Variants in MGAT4C observed in about 807,000 individuals in gnomAD.
The protein encoded by MGAT4C is alpha-1,3-mannosyl-glycoprotein 4-beta-N-acetylglucosaminyltransferase C.
Under a neutral mutation model 40.1 loss-of-function variants are expected in MGAT4C, and 19 were observed. That is an observed-to-expected ratio of 0.47 (90% CI 0.33 to 0.70). The LOEUF (loss-of-function observed/expected upper bound fraction) is 0.70. Among genes scored for constraint, MGAT4C ranks in the 30% least tolerant of loss-of-function variants. The pLI, the probability that MGAT4C is intolerant of heterozygous loss-of-function variation, is 0.02. For synonymous variants in MGAT4C, 181 were observed against 187.1 expected (o/e 0.97, Z 0.27); for missense variants, 491 against 563.2 (o/e 0.87, Z 1.30).
At chr12:86,711,743 A>G (rs1163209727) in intron 2 of MGAT4C, among the ~76,000 whole-genome samples, 1 of 152,198 alleles carries the variant, frequency 6.6e-6, no homozygotes, top group African/African-American at 2.4e-5. Context: ...TTACACAAAA[A>G]CGAAGAATTT....
chr12:86,112,738 T>C (rs1373226611), intron 1 of MGAT4C, among the ~76,000 whole-genome samples: 1 of 151,736 alleles, frequency 6.6e-6, no homozygotes, highest in Non-Finnish European at 1.5e-5. Flanking sequence ...GAACTAGATG[T>C]GTCCTCTGAA....
chr12:86,040,553 T>G (rs1290560145), intron 2 of MGAT4C, among the ~76,000 whole-genome samples: 1 of 152,174 alleles, frequency 6.6e-6, no homozygotes. Context: ...ACTGCCTACT[T>G]AAGCCTCAGC....
At chr12:86,459,639 TGAGAA>T (rs1353305107) in intron 2 of MGAT4C, among the ~76,000 whole-genome samples, 21 of 150,658 alleles carry the variant, frequency 1.4e-4, no homozygotes, top group Non-Finnish European at 2.4e-4. Context: ...GGTAATACGC[TGAGAA>T]AAGAAGCCCC....
At chr12:86,680,104 T>C (rs1949952909) in intron 2 of MGAT4C, among the ~76,000 whole-genome samples, 1 of 151,988 alleles carries the variant, frequency 6.6e-6, no homozygotes. Flanking sequence ...TAGTCTCCAA[T>C]AAACAGAGAA....
At chr12:86,188,850 C>T (rs1452188549) in intron 1 of MGAT4C, among the ~76,000 whole-genome samples, 1 of 151,676 alleles carries the variant, frequency 6.6e-6, no homozygotes, top group African/African-American at 2.4e-5. Flanking sequence ...TATTGAATAA[C>T]CTATGATAAG....
At chr12:86,252,659 C>G (rs1470612526) in intron 1 of MGAT4C, among the ~76,000 whole-genome samples, 1 of 151,752 alleles carries the variant, frequency 6.6e-6, no homozygotes, top group Non-Finnish European at 1.5e-5. Context: ...TTTGCTTGTT[C>G]AAACACAAAC....
chr12:86,464,476 A>T (rs2406139), intron 2 of MGAT4C, among the ~76,000 whole-genome samples: 1 of 152,128 alleles, frequency 6.6e-6, no homozygotes, highest in East Asian at 1.9e-4. Flanking sequence ...GTAACCTTAT[A>T]TTTGATTATA....
rs1460189015 is a variant in MGAT4C at position 85,976,966 on chromosome 12, C to T, written c.*2323G>A. ...AGGTGTTTTCCTTAGAAAATTGACC[C>T]AGTGTCAACTGTAAAGAAAACATAG... On this transcript the variant is annotated 3_prime_UTR_variant, in exon 5 of 5. Coordinates refer to ENST00000611864, the MANE Select transcript of MGAT4C (RefSeq NM_001351288.2). The T allele has an allele frequency of 2.0e-5, 3 of 151,034 alleles. No individual in the cohort carries two copies. The highest frequency in any genetic ancestry group is 7.3e-5 in the African/African-American group (3 of 41,296). 9.4% of individuals were successfully genotyped at this position (151,034 alleles called of 1,614,324 possible). A position where few individuals can be genotyped will look rare whatever the true frequency, so the allele number is the denominator to read the frequency against.
At chr12:86,302,325 A>G (rs1953832416) in intron 4 of MGAT4C, among the ~76,000 whole-genome samples, 1 of 150,860 alleles carries the variant, frequency 6.6e-6, no homozygotes, top group Admixed American at 6.6e-5. Flanking sequence ...GATTGCCTCT[A>G]TTGTACAAGA....
At chr12:86,347,186 A>G (rs1208181228) in intron 3 of MGAT4C, among the ~76,000 whole-genome samples, 1 of 152,142 alleles carries the variant, frequency 6.6e-6, no homozygotes, top group Non-Finnish European at 1.5e-5. Flanking sequence ...ACTCCCTTTC[A>G]TATATACATA....
intron 1 of MGAT4C, among the ~76,000 whole-genome samples, chr12:86,196,118 G>A (rs1161545139): frequency 6.6e-6 from 1 of 152,098 alleles, no homozygotes; most frequent in Non-Finnish European, 1.5e-5. Context: ...CCAAGATTAA[G>A]GTGCCAGCAA....
At chr12:86,594,884 G>T (rs117411007) in intron 2 of MGAT4C, among the ~76,000 whole-genome samples, 1,994 of 152,224 alleles carry the variant, frequency 0.013, 23 homozygotes, top group Middle Eastern at 0.024. Flanking sequence ...ATATTGGTTT[G>T]GTCTGTTGGG....
chr12:86,081,087 G>A (rs1050648949), intron 1 of MGAT4C, among the ~76,000 whole-genome samples: 1 of 152,042 alleles, frequency 6.6e-6, no homozygotes, highest in African/African-American at 2.4e-5. Flanking sequence ...AATAACCAGA[G>A]GAAGTATGCA....
chr12:86,185,846 T>C (rs1409077482), intron 1 of MGAT4C, among the ~76,000 whole-genome samples: 1 of 152,086 alleles, frequency 6.6e-6, no homozygotes, highest in Non-Finnish European at 1.5e-5. Context: ...ACACATTTCT[T>C]AGGCAAAGAG....
intron 2 of MGAT4C, among the ~76,000 whole-genome samples, chr12:86,553,994 A>G (rs1592980478): frequency 6.6e-6 from 1 of 152,028 alleles, no homozygotes. Flanking sequence ...TAGTCCTCCT[A>G]TTTAATGAAA....
intron 2 of MGAT4C, among the ~76,000 whole-genome samples, chr12:86,596,132 G>A (rs947241893): frequency 8.6e-5 from 13 of 151,396 alleles, no homozygotes; most frequent in South Asian, 6.3e-4. Flanking sequence ...TGTGCACAAC[G>A]TGCAGGTTTG....
chr12:86,014,777 T>C (rs528448274), intron 2 of MGAT4C, among the ~76,000 whole-genome samples: 3 of 151,870 alleles, frequency 2.0e-5, no homozygotes, highest in Admixed American at 6.6e-5. Flanking sequence ...AAAATGACAA[T>C]GAGGAGCGCC....
At chr12:86,641,156 T>C (rs1171743010) in intron 2 of MGAT4C, among the ~76,000 whole-genome samples, 1 of 151,890 alleles carries the variant, frequency 6.6e-6, no homozygotes, top group Admixed American at 6.6e-5. Context: ...TAAGAAAATG[T>C]GGCACTTATA....
chr12:86,060,045 T>C (rs1200681255), intron 1 of MGAT4C, among the ~76,000 whole-genome samples: 1 of 152,176 alleles, frequency 6.6e-6, no homozygotes, highest in Non-Finnish European at 1.5e-5. Flanking sequence ...CAAACATGGC[T>C]ATCTACTAGG....
Sources: allele counts gnomAD v4.1 joint callset (sites outside exome capture counted in the v4.1 genomes callset), GRCh38; gene constraint gnomAD v4.1.1; transcripts MANE v1.5; gene names NCBI Gene and HGNC (gene_info 2026-07-23, HGNC 2026-07-21).